MINAR1: variants seen among roughly 807,000 people sequenced by gnomAD.
The protein encoded by MINAR1 is membrane integral NOTCH2 associated receptor 1.
Under a neutral mutation model 65.1 loss-of-function variants are expected in MINAR1, and 40 were observed. The observed-to-expected ratio is 0.61, with a 90% CI of 0.48 to 0.80. The LOEUF is 0.80. Ranked by LOEUF, MINAR1 falls within the 30% of genes least tolerant of loss-of-function variation. The pLI, the probability that MINAR1 is intolerant of heterozygous loss-of-function variation, is 0.00. For synonymous variants in MINAR1, 482 were observed against 449.1 expected, an observed-to-expected ratio of 1.07 and a Z score of -0.93; for missense variants, 1,128 against 1,148.0, an observed-to-expected ratio of 0.98 and a Z score of 0.25.
the MINAR1 span, chr15:79,416,936 A>G: frequency 6.6e-6 from 1 of 152,232 alleles, no homozygotes; most frequent in East Asian, 1.9e-4. Context: ...AGGCCTTGAC[A>G]CCAGCTGACA....
chr15:79,412,085 G>T, the MINAR1 span: 13 of 144,932 alleles, frequency 9.0e-5, no homozygotes, highest in African/African-American at 3.3e-4. Flanking sequence ...GTTTGCCAGT[G>T]CAGTAGCTGT....
At chr15:79,434,587 C>T (rs536059956) in intron 1 of MINAR1, among the ~76,000 whole-genome samples, 23 of 152,322 alleles carry the variant, frequency 1.5e-4, no homozygotes, top group Non-Finnish European at 2.8e-4. Context: ...GGGGAAGGCC[C>T]TGCTCTCTGC....
At chr15:79,417,797 T>G in the MINAR1 span, 1 of 152,348 alleles carries the variant, frequency 6.6e-6, no homozygotes. Flanking sequence ...ACCATCAGGC[T>G]ATTTGGTTTA....
the MINAR1 span, chr15:79,411,462 AACACCTGCC>A: frequency 1.4e-6 from 1 of 702,500 alleles, no homozygotes; most frequent in Non-Finnish European, 2.6e-6. Context: ...AGCCAGGCGG[AACACCTGCC>A]ACCGAGGGAC....
At chr15:79,416,887 C>T in the MINAR1 span, 3 of 152,308 alleles carry the variant, frequency 2.0e-5, no homozygotes, top group South Asian at 4.1e-4. Flanking sequence ...CTCTGCTCCT[C>T]CTCTCAGCAT....
chr15:79,451,079 C>T (rs1448717777), intron 1 of MINAR1, among the ~76,000 whole-genome samples: 4 of 152,176 alleles, frequency 2.6e-5, no homozygotes, highest in Non-Finnish European at 5.9e-5. Flanking sequence ...CCCTGTCGCT[C>T]CTCTCTACCA....
intron 2 of MINAR1, 87 bp from the exon 3 acceptor site, chr15:79,462,980 A>G: frequency 1.4e-6 from 2 of 1,459,404 alleles, no homozygotes; most frequent in South Asian, 2.6e-5. Flanking sequence ...CTGAATGTCT[A>G]CAGGAAAGCT....
chr15:79,457,104 G>T lies in MINAR1; in HGVS notation c.957G>T (p.Pro319=). ...NSQYLNPVYS[P]VPDKRRAKHE... is the part of the protein sequence containing the mutation. ...AGTACCTGAATCCAGTGTATTCCCCGGTTCCTGACAAAAGGCGAGCAAAGC... is the reference window on the plus strand; with the variant it reads ...AGTACCTGAATCCAGTGTATTCCCCTGTTCCTGACAAAAGGCGAGCAAAGC... The change falls in exon 2 of 4, where the codon CCG becomes CCT. Residue 319 remains proline (P), a synonymous_variant. Transcript: ENST00000305428. 1.2e-6 allele frequency: 2 copies of T among 1,614,070 alleles called. No homozygotes were observed. The highest frequency in any genetic ancestry group is 1.7e-6 in the Non-Finnish European group (2 of 1,180,014).
the MINAR1 span, chr15:79,425,541 T>C: frequency 6.6e-6 from 1 of 152,230 alleles, no homozygotes; most frequent in Admixed American, 6.5e-5. Flanking sequence ...CCCTCTCCAC[T>C]GTTTCCTCCT....
In MINAR1 at chr15:79,469,094, A is replaced by C. The variant is rs1466066565; in HGVS notation, c.*710A>C. On this transcript the variant is annotated 3_prime_UTR_variant, in exon 4 of 4. Coordinates refer to ENST00000305428, the MANE Select transcript of MINAR1 (RefSeq NM_015206.3). ...GATGGGCCAAGGTATTCAGGCCAGG[A>C]GACCTCGTCCTCAATCCAAAGTGTA... is the stretch of plus-strand genomic sequence containing the variant. 6.5e-6 allele frequency: 1 copy of C among 152,932 alleles called. No individual in the cohort carries two copies. Among genetic ancestry groups the C allele is most frequent in the Non-Finnish European group, 1.5e-5 (1 of 68,262 alleles). 9.5% of individuals were successfully genotyped at this position (152,932 alleles called of 1,614,324 possible). A position where few individuals can be genotyped will look rare whatever the true frequency, so the allele number is the denominator to read the frequency against.
At chr15:79,444,831 G>A (rs1364093941) in intron 1 of MINAR1, among the ~76,000 whole-genome samples, 2 of 151,556 alleles carry the variant, frequency 1.3e-5, no homozygotes, top group Admixed American at 1.3e-4. Context: ...ATCATAATAT[G>A]TGGCCAGCAT....
At chr15:79,447,566 A>G (rs1415180507) in intron 1 of MINAR1, among the ~76,000 whole-genome samples, 1 of 152,046 alleles carries the variant, frequency 6.6e-6, no homozygotes, top group Non-Finnish European at 1.5e-5. Flanking sequence ...GTAATTTTTA[A>G]AAATATAATT....
chr15:79,425,547 C>T, the MINAR1 span: 2 of 152,200 alleles, frequency 1.3e-5, no homozygotes, highest in East Asian at 3.8e-4. Context: ...CCACTGTTTC[C>T]TCCTTTATCT....
At chr15:79,453,446 A>T (rs1895307496) in intron 1 of MINAR1, among the ~76,000 whole-genome samples, 1 of 152,138 alleles carries the variant, frequency 6.6e-6, no homozygotes, top group Admixed American at 6.5e-5. Flanking sequence ...TATCTGTAAC[A>T]TGGGGGTACT....
chr15:79,450,456 CATTA>C (rs937885198), intron 1 of MINAR1, among the ~76,000 whole-genome samples: 10 of 152,078 alleles, frequency 6.6e-5, no homozygotes, highest in African/African-American at 2.4e-4. Flanking sequence ...AGAGCACCCC[CATTA>C]ATTCTGAGTG....
the MINAR1 span, chr15:79,417,672 T>C: frequency 6.6e-6 from 1 of 152,234 alleles, no homozygotes; most frequent in Non-Finnish European, 1.5e-5. Context: ...TGTTTTACTG[T>C]TTGATCCCCT....
chr15:79,437,718 G>GGGGT (rs1894655863), intron 1 of MINAR1, among the ~76,000 whole-genome samples: 1 of 71,090 alleles, frequency 1.4e-5, no homozygotes, highest in Non-Finnish European at 3.3e-5. Flanking sequence ...GGGTGTGGGT[G>GGGGT]GGTAGTGAGT....
At chr15:79,413,011 A>G in the MINAR1 span, 2 of 150,684 alleles carry the variant, frequency 1.3e-5, no homozygotes, top group Non-Finnish European at 2.9e-5. Context: ...AACTCATCTT[A>G]TAACACAAGC....
At chr15:79,432,768 G>C (rs1016234359) in intron 1 of MINAR1, among the ~76,000 whole-genome samples, 8 of 152,214 alleles carry the variant, frequency 5.3e-5, no homozygotes, top group Admixed American at 5.2e-4. Flanking sequence ...AGGTGTGTGC[G>C]GATGCGGGGC....
Sources: allele counts gnomAD v4.1 joint callset (sites outside exome capture counted in the v4.1 genomes callset), GRCh38; gene constraint gnomAD v4.1.1; transcripts MANE v1.5; gene names NCBI Gene and HGNC (gene_info 2026-07-23, HGNC 2026-07-21).